The following DPP10 variants were observed in gnomAD, a reference collection of about 807,000 sequenced individuals.
The protein encoded by DPP10 is dipeptidyl peptidase like 10.
Under a neutral mutation model 120.9 loss-of-function variants are expected in DPP10, and 33 were observed. The observed-to-expected ratio is 0.27, with a 90% confidence interval of 0.21 to 0.37. The LOEUF is 0.37. DPP10 is among the 10% of genes least tolerant of loss of function. The probability of loss-of-function intolerance (pLI) is 1.00; values close to 1 mark genes in which losing one functional copy is unlikely to be tolerated. For synonymous variants in DPP10, 337 were observed against 326.1 expected (o/e 1.03, Z -0.36); for missense variants, 816 against 942.8 (o/e 0.87, Z 1.76).
At chr2:115,508,759 T>C (rs1278318505) in intron 4 of DPP10, among the ~76,000 whole-genome samples, 1 of 152,010 alleles carries the variant, frequency 6.6e-6, no homozygotes, top group East Asian at 1.9e-4. Flanking sequence ...AAAAATTAGC[T>C]GAGTGTGGTG....
At chr2:115,114,798 T>C (rs1258107929) in intron 1 of DPP10, among the ~76,000 whole-genome samples, 2 of 152,148 alleles carry the variant, frequency 1.3e-5, no homozygotes, top group Admixed American at 1.3e-4. Context: ...TTCGCCTGCC[T>C]CTATTCTGAT....
chr2:114,526,200 C>A (rs12995265), intron 1 of DPP10, among the ~76,000 whole-genome samples: 22,024 of 152,158 alleles, frequency 0.14, 1,706 homozygotes, highest in Middle Eastern at 0.24. Context: ...ACCTAATGGG[C>A]TTGAAGTTGC....
intron 1 of DPP10, among the ~76,000 whole-genome samples, chr2:115,177,996 C>A (rs1190996200): frequency 2.6e-5 from 4 of 152,150 alleles, no homozygotes; most frequent in Admixed American, 6.5e-5. Flanking sequence ...ATCTCCTGAC[C>A]TCGTGATCCA....
chr2:115,086,277 T>C (rs780635184), intron 1 of DPP10, among the ~76,000 whole-genome samples: 2 of 152,274 alleles, frequency 1.3e-5, no homozygotes, highest in Non-Finnish European at 2.9e-5. Context: ...CTTTGGTCTC[T>C]ACGATCTTTT....
intron 7 of DPP10, among the ~76,000 whole-genome samples, chr2:115,725,380 T>C (rs191330339): frequency 6.6e-6 from 1 of 152,344 alleles, no homozygotes; most frequent in Non-Finnish European, 1.5e-5. Flanking sequence ...ATGCACACTT[T>C]CATGAAGACA....
chr2:115,337,204 A>G (rs918947463), intron 2 of DPP10, among the ~76,000 whole-genome samples: 7 of 152,006 alleles, frequency 4.6e-5, no homozygotes, highest in African/African-American at 1.7e-4. Flanking sequence ...TCTTTGAGAA[A>G]AGAGGATATG....
rs539113685 is a variant in DPP10, at chr2:115,088,886, G to A, written c.61-220353G>A. Among the ~76,000 whole-genome samples, 95 of 149,758 alleles carry A rather than the reference G, an allele frequency of 6.3e-4. 1 individual carries two copies. Among genetic ancestry groups the A allele is most frequent in the African/African-American group, 2.3e-3 (94 of 40,668 alleles). The stretch of plus-strand genomic sequence containing the variant: ...TAGGAAAATGTTTAGTGAACTTTTA[G>A]CCACATTTAACTAGGAAAAAAACTT... On this transcript the variant is annotated intron_variant, in intron 1 of 25. Coordinates refer to ENST00000410059, the MANE Select transcript of DPP10 (RefSeq NM_020868.6).
intron 3 of DPP10, among the ~76,000 whole-genome samples, chr2:115,345,948 A>G (rs773334512): frequency 6.6e-6 from 1 of 152,184 alleles, no homozygotes; most frequent in Non-Finnish European, 1.5e-5. Flanking sequence ...GTAATACCTA[A>G]ATATATAATT....
At chr2:115,092,551 G>A (rs896425236) in intron 1 of DPP10, among the ~76,000 whole-genome samples, 43 of 152,152 alleles carry the variant, frequency 2.8e-4, no homozygotes, top group Admixed American at 9.2e-4. Flanking sequence ...GTAAAGGACA[G>A]CTTTTTGTTT....
intron 1 of DPP10, among the ~76,000 whole-genome samples, chr2:114,557,095 A>G (rs1469976181): frequency 5.3e-5 from 8 of 151,734 alleles, no homozygotes; most frequent in Admixed American, 6.6e-5. Flanking sequence ...AAAATAAATT[A>G]TAGAACAATA....
intron 7 of DPP10, among the ~76,000 whole-genome samples, chr2:115,717,115 G>T (rs1657158482): frequency 6.6e-6 from 1 of 152,130 alleles, no homozygotes. Flanking sequence ...CACCTACCTG[G>T]GAAGAAAGAG....
intron 1 of DPP10, among the ~76,000 whole-genome samples, chr2:114,489,755 A>T (rs1681824205): frequency 6.6e-6 from 1 of 152,152 alleles, no homozygotes; most frequent in South Asian, 2.1e-4. Context: ...ATAACAAGTG[A>T]TTATATTTCA....
intron 1 of DPP10, among the ~76,000 whole-genome samples, chr2:114,734,991 G>GC (rs1426139129): frequency 9.9e-5 from 15 of 152,234 alleles, no homozygotes; most frequent in African/African-American, 3.6e-4. Flanking sequence ...GTTCTCACAT[G>GC]CCCTTTTCTC....
intron 1 of DPP10, among the ~76,000 whole-genome samples, chr2:114,614,591 C>G (rs1693537930): frequency 1.3e-5 from 2 of 152,248 alleles, no homozygotes; most frequent in South Asian, 4.1e-4. Flanking sequence ...TCAATAGTTG[C>G]TTGATTTTTA....
chr2:115,103,463 C>G (rs2048802483), intron 1 of DPP10, among the ~76,000 whole-genome samples: 1 of 152,142 alleles, frequency 6.6e-6, no homozygotes, highest in Non-Finnish European at 1.5e-5. Context: ...GCTGGGATTA[C>G]AGGCGTGGGC....
chr2:115,018,014 AAAG>A (rs1702788496), intron 1 of DPP10, among the ~76,000 whole-genome samples: 2 of 152,112 alleles, frequency 1.3e-5, no homozygotes, highest in African/African-American at 2.4e-5. Flanking sequence ...ATAAAAAAAA[AAAG>A]AGAAAAACAA....
chr2:115,125,560 C>T (rs572790329), intron 1 of DPP10, among the ~76,000 whole-genome samples: 1 of 141,376 alleles, frequency 7.1e-6, no homozygotes, highest in African/African-American at 2.6e-5. Context: ...TTCAATAGAT[C>T]ATAATGGCTT....
At chr2:115,090,263 C>T (rs566998105) in intron 1 of DPP10, among the ~76,000 whole-genome samples, 2 of 152,176 alleles carry the variant, frequency 1.3e-5, no homozygotes, top group Non-Finnish European at 2.9e-5. Flanking sequence ...GTGCATTTAT[C>T]ATACGACATT....
intron 1 of DPP10, among the ~76,000 whole-genome samples, chr2:114,841,445 G>C (rs1479986459): frequency 6.6e-6 from 1 of 152,262 alleles, no homozygotes; most frequent in East Asian, 1.9e-4. Context: ...AGTCAACCTG[G>C]GCATGATCCA....
Sources: gnomAD v4.1 joint callset for allele counts (sites outside exome capture counted in the v4.1 genomes callset) on GRCh38, gnomAD v4.1.1 for gene constraint, MANE v1.5 for transcripts, NCBI Gene and HGNC (gene_info 2026-07-23, HGNC 2026-07-21) for gene names.